CWC25: variants seen among roughly 807,000 people sequenced by gnomAD.
CWC25 encodes the protein pre-mRNA-splicing factor CWC25 homolog.
In CWC25, 31 loss-of-function variants were observed where a neutral mutation model predicts 54.6. The ratio of observed to expected loss-of-function variants is 0.57; its 90% confidence interval spans 0.43 to 0.77. The LOEUF is 0.77. Among genes scored for constraint, CWC25 ranks in the 30% least tolerant of loss-of-function variants. CWC25 has a pLI of 0.00. For missense variants in CWC25, 453 were observed against 529.3 expected (o/e 0.86, Z 1.41); for synonymous variants, 151 against 187.0 (o/e 0.81, Z 1.57).
rs1198982182 is a variant in CWC25, at chr17:38,801,954, C to T, written c.*138G>A. The T allele has an allele frequency of 1.7e-6, 1 of 571,522 alleles. No homozygotes were observed. The allele number at this position is 571,522 out of a possible 1,614,324, so 35.4% of individuals were successfully genotyped here. A position where few individuals can be genotyped will look rare whatever the true frequency, so the allele number is the denominator to read the frequency against. On this transcript the variant is annotated 3_prime_UTR_variant, in exon 10 of 10. Coordinates refer to ENST00000614790, the MANE Select transcript of CWC25 (RefSeq NM_017748.5). ...TCAAAGGAAGTGAGCTGTTTCAGGA[C>T]TCAATGAAGCAGGGTCACTTTGAAC...
chr17:38,811,253 C>A (rs1243402988), intron 4 of CWC25, among the ~76,000 whole-genome samples: 3 of 149,398 alleles, frequency 2.0e-5, no homozygotes, highest in Non-Finnish European at 4.5e-5. Flanking sequence ...AAACAAAAAG[C>A]CCAGGCGGGG....
At chr17:38,816,316 A>C (rs970795319) in intron 2 of CWC25, among the ~76,000 whole-genome samples, 6 of 152,126 alleles carry the variant, frequency 3.9e-5, no homozygotes, top group Admixed American at 6.6e-5. Flanking sequence ...TGGTGCGATC[A>C]TGGCTCACTG....
At chr17:38,810,394 T>C in intron 5 of CWC25, 74 bp downstream of exon 5, 2 of 1,451,958 alleles carry the variant, frequency 1.4e-6, no homozygotes, top group South Asian at 2.9e-5. Flanking sequence ...AGGGCAGGTG[T>C]TCATGTCTGT....
chr17:38,805,939 A>T (rs146984361), intron 8 of CWC25, among the ~76,000 whole-genome samples: 2 of 152,068 alleles, frequency 1.3e-5, no homozygotes, highest in African/African-American at 2.4e-5. Flanking sequence ...CAGCCTCCCA[A>T]ATAACTGGGA....
chr17:38,817,879 T>C (rs550720394), intron 2 of CWC25, among the ~76,000 whole-genome samples: 11 of 148,460 alleles, frequency 7.4e-5, no homozygotes, highest in Admixed American at 7.4e-4. Flanking sequence ...AGCAGGAGAA[T>C]TGCTTGAACC....
intron 2 of CWC25, among the ~76,000 whole-genome samples, chr17:38,819,547 T>A (rs1911840757): frequency 6.6e-6 from 1 of 151,812 alleles, no homozygotes; most frequent in Non-Finnish European, 1.5e-5. Flanking sequence ...TTTTTTTTTT[T>A]TTTTAGTAGA....
At chr17:38,805,679 C>T (rs990124635) in intron 8 of CWC25, among the ~76,000 whole-genome samples, 1 of 152,088 alleles carries the variant, frequency 6.6e-6, no homozygotes, top group African/African-American at 2.4e-5. Flanking sequence ...GTCGCCCAAG[C>T]AAGAATGCAG....
In CWC25 at chr17:38,810,570, T is replaced by TC; in HGVS notation, c.523dup (p.Glu175GlyfsTer16). On this transcript the variant is annotated frameshift_variant, in exon 5 of 10. Coordinates refer to ENST00000614790, the MANE Select transcript of CWC25 (RefSeq NM_017748.5). LOFTEE classifies it high-confidence loss of function. ...TTTCTTCTCCTTCTTTTTCTTCTTC[T>TC]CCTTTTTTTCCAGACTCATTTGCAA... The TC allele has an allele frequency of 6.5e-7, 1 of 1,536,336 alleles. No individual in the cohort carries two copies. The highest frequency in any genetic ancestry group is 8.9e-7 in the Non-Finnish European group (1 of 1,127,180).
chr17:38,823,208 A>C (rs929471165), intron 1 of CWC25, among the ~76,000 whole-genome samples: 3 of 131,168 alleles, frequency 2.3e-5, no homozygotes, highest in African/African-American at 8.8e-5. Flanking sequence ...CACGCAGGCT[A>C]GAGTGCAGTG....
chr17:38,821,567 A>G (rs957429068), intron 1 of CWC25, among the ~76,000 whole-genome samples: 2 of 152,102 alleles, frequency 1.3e-5, no homozygotes, highest in Admixed American at 6.6e-5. Context: ...TCAAAACAAC[A>G]AGAACAAGAA....
Position 38,817,913 on chromosome 17 carries a change from C to T in CWC25, c.192-2816G>A, listed in dbSNP as rs542640559. On this transcript the variant is annotated intron_variant, in intron 2 of 9. Transcript: ENST00000614790. ...CCTGGGAGGTGGAGGCTGCAGTGAG[C>T]GGAGATTGTGCCACTGCACTCCAGC... 2.4e-3 allele frequency among the ~76,000 whole-genome samples: 366 copies of T among 151,570 alleles called. 4 individuals are homozygous for T. The highest frequency in any genetic ancestry group is 3.5e-3 in the Non-Finnish European group (238 of 67,930).
At chr17:38,820,204 C>CAG (rs1911867821) in intron 2 of CWC25, among the ~76,000 whole-genome samples, 1 of 152,194 alleles carries the variant, frequency 6.6e-6, no homozygotes, top group Non-Finnish European at 1.5e-5. Flanking sequence ...ACAGCAATTA[C>CAG]AGGCATGAAC....
chr17:38,804,844 C>G (rs929709636), intron 8 of CWC25, among the ~76,000 whole-genome samples: 1 of 145,690 alleles, frequency 6.9e-6, no homozygotes, highest in Non-Finnish European at 1.5e-5. Flanking sequence ...TGGTGGCTCA[C>G]GCCTGTAATC....
chr17:38,814,767 A>AAT, intron 3 of CWC25, 94 bp downstream of exon 3: 1 of 873,436 alleles, frequency 1.1e-6, no homozygotes, highest in Non-Finnish European at 1.7e-6. Context: ...AAAAAAAAAA[A>AAT]GCGAAGAGAA....
At chr17:38,802,486 AAT>A (rs1183571735) in intron 9 of CWC25, among the ~76,000 whole-genome samples, 2 of 152,242 alleles carry the variant, frequency 1.3e-5, no homozygotes, top group Non-Finnish European at 2.9e-5. Flanking sequence ...AAGGTCAAGG[AAT>A]TTCAATGATT....
rs186508829 is a variant in CWC25 at position 38,817,720 on chromosome 17, G to A, written c.192-2623C>T. 2.6e-3 allele frequency among the ~76,000 whole-genome samples: 399 copies of A among 152,188 alleles called. 2 individuals carry two copies. Among genetic ancestry groups the A allele is most frequent in the Non-Finnish European group, 4.7e-3 (318 of 68,016 alleles). ...GAGAATCGCTTGAACTCAAGAGGCG[G>A]AGGTTACAGTGAGCCGAGATCGCAC... On this transcript the variant is annotated intron_variant, in intron 2 of 9. Coordinates refer to ENST00000614790, the MANE Select transcript of CWC25 (RefSeq NM_017748.5).
Position 38,814,732 on chromosome 17 carries a change from C to T in CWC25, c.428+129G>A, listed in dbSNP as rs1169829652. 16 of 701,218 alleles carry T rather than the reference C, an allele frequency of 2.3e-5. No homozygotes were observed. The East Asian group carries it at 3.3e-4, about 15-fold the overall frequency. 43.4% of individuals were successfully genotyped at this position (701,218 alleles called of 1,614,324 possible). A position where few individuals can be genotyped will look rare whatever the true frequency, so the allele number is the denominator to read the frequency against. ...CTGCACTTCAGCCTGGGCGACAGAG[C>T]GAGACTCCGTCTCAAAAAAAAAAAA... On this transcript the variant is annotated intron_variant, in intron 3 of 9. Transcript: ENST00000614790.
intron 4 of CWC25, among the ~76,000 whole-genome samples, chr17:38,811,632 C>T (rs1911492812): frequency 6.6e-6 from 1 of 151,948 alleles, no homozygotes; most frequent in Non-Finnish European, 1.5e-5. Flanking sequence ...CTCCATGCCT[C>T]TGGGTCTACA....
chr17:38,814,598 T>C (rs1168024282), intron 3 of CWC25, among the ~76,000 whole-genome samples: 1 of 150,430 alleles, frequency 6.6e-6, no homozygotes, highest in African/African-American at 2.4e-5. Flanking sequence ...CAACAAAAAT[T>C]AGCCAGGCGT....
Sources: gnomAD v4.1 joint callset for allele counts (sites outside exome capture counted in the v4.1 genomes callset) on GRCh38, gnomAD v4.1.1 for gene constraint, MANE v1.5 for transcripts, NCBI Gene and HGNC (gene_info 2026-07-23, HGNC 2026-07-21) for gene names.